CEP63: variants seen among roughly 807,000 people sequenced by gnomAD.
CEP63 encodes centrosomal protein 63.
Under a neutral mutation model 89.1 loss-of-function variants are expected in CEP63, and 84 were observed. The ratio of observed to expected loss-of-function variants is 0.94; its 90% CI spans 0.79 to 1.13. The LOEUF is 1.13. Ranked by LOEUF, CEP63 falls within the 50% of genes most tolerant of loss-of-function variation. The pLI is 0.00. For missense variants in CEP63, 838 were observed against 813.3 expected (o/e 1.03, Z -0.37); for synonymous variants, 267 against 272.5 (o/e 0.98, Z 0.20).
the CEP63 span, among the ~76,000 whole-genome samples, chr3:134,769,113 A>T: frequency 6.6e-6 from 1 of 151,916 alleles, no homozygotes; most frequent in African/African-American, 2.4e-5. Flanking sequence ...AAGAAGTGTG[A>T]TTTTTTTTGT....
intron 3 of CEP63, 74 bp downstream of exon 3, chr3:134,507,360 T>C: frequency 1.7e-6 from 2 of 1,173,812 alleles, no homozygotes; most frequent in Non-Finnish European, 2.5e-6. Context: ...TCTTAAGTAT[T>C]TGTTGAAGAA....
At chr3:134,745,656 T>C in the CEP63 span, among the ~76,000 whole-genome samples, 1 of 152,124 alleles carries the variant, frequency 6.6e-6, no homozygotes, top group African/African-American at 2.4e-5. Flanking sequence ...TTACATTAGG[T>C]ATTTCTCTTA....
At chr3:134,705,350 G>T in the CEP63 span, among the ~76,000 whole-genome samples, 1 of 152,062 alleles carries the variant, frequency 6.6e-6, no homozygotes, top group Admixed American at 6.6e-5. Flanking sequence ...TCTTACGGGA[G>T]ACTCCTGTAG....
In CEP63 at chr3:134,564,804, A is replaced by G; in HGVS notation, c.*3269A>G. 1 of 985,420 alleles carries G rather than the reference A, an allele frequency of 1.0e-6. No homozygotes were observed. The highest frequency in any genetic ancestry group is 1.2e-6 in the Non-Finnish European group (1 of 829,906). 61.0% of individuals were successfully genotyped at this position (985,420 alleles called of 1,614,324 possible). ...TGCAGCCCGTTTCTGAAACGTTTGT[A>G]CTACGTGTTGACTAGGAGGAACAAT... On this transcript the variant is annotated 3_prime_UTR_variant, in exon 15 of 15. Transcript: ENST00000675561.
At position 134,531,914 on chromosome 3, in the gene CEP63, C is replaced by A. The variant is rs139544347; in HGVS notation, c.292C>A (p.Gln98Lys). 6 of 1,612,636 alleles carry A rather than the reference C, an allele frequency of 3.7e-6. No individual in the cohort carries two copies. The highest frequency in any genetic ancestry group is 5.1e-6 in the Non-Finnish European group (6 of 1,179,018). ...IKQEMTMEYK[Q>K]ELKKLHEELC... The stretch of plus-strand genomic sequence containing the variant: ...GCAAGAGATGACCATGGAATATAAG[C>A]AGGAGTTGAAGAAACTACATGAAGA... Residue 98 changes from glutamine to lysine, a missense_variant, in exon 4 of 15, where the codon CAG (glutamine) becomes AAG (lysine). By Grantham distance (53) the Gln-to-Lys change is moderately conservative. Coordinates refer to ENST00000675561, the MANE Select transcript of CEP63 (RefSeq NM_001353108.3).
the CEP63 span, among the ~76,000 whole-genome samples, chr3:134,605,014 T>C: frequency 6.6e-6 from 1 of 151,268 alleles, no homozygotes; most frequent in African/African-American, 2.4e-5. Flanking sequence ...GATCCCCACC[T>C]CCCCCACCCC....
chr3:134,649,025 G>A, the CEP63 span, among the ~76,000 whole-genome samples: 4 of 152,180 alleles, frequency 2.6e-5, no homozygotes, highest in Non-Finnish European at 5.9e-5. Flanking sequence ...GAAAGGGTCT[G>A]CAGGCTGGCT....
the CEP63 span, among the ~76,000 whole-genome samples, chr3:134,717,991 G>A: frequency 6.6e-6 from 1 of 152,114 alleles, no homozygotes; most frequent in African/African-American, 2.4e-5. Flanking sequence ...TCTGGAATGA[G>A]CACCCAGGTT....
At chr3:134,622,581 A>G in the CEP63 span, among the ~76,000 whole-genome samples, 2 of 152,226 alleles carry the variant, frequency 1.3e-5, no homozygotes. Flanking sequence ...TTCATTGCTT[A>G]ATGGGTAGAG....
chr3:134,731,793 G>T, the CEP63 span, among the ~76,000 whole-genome samples: 11 of 152,140 alleles, frequency 7.2e-5, no homozygotes, highest in African/African-American at 2.7e-4. Context: ...GTAAAGAAGA[G>T]AAGACAAGAG....
the CEP63 span, among the ~76,000 whole-genome samples, chr3:134,649,208 G>T: frequency 8.5e-5 from 13 of 152,316 alleles, no homozygotes; most frequent in South Asian, 2.7e-3. Flanking sequence ...TCAGCAGAAA[G>T]GGCCCAGCCA....
chr3:134,568,704 G>T (rs868478068), downstream of CEP63, among the ~76,000 whole-genome samples: 3 of 152,234 alleles, frequency 2.0e-5, no homozygotes, highest in African/African-American at 7.2e-5. Context: ...CTCCAAAAAG[G>T]TTTAACATTA....
At chr3:134,625,658 A>G in the CEP63 span, among the ~76,000 whole-genome samples, 2 of 152,226 alleles carry the variant, frequency 1.3e-5, no homozygotes, top group Non-Finnish European at 2.9e-5. Flanking sequence ...AGGCCGGGCC[A>G]TCTGGGTCCT....
At chr3:134,584,956 G>GTTTTTTTTTTTTGTTTTTTTTTTTTTTT (rs1553799205) in intron 10 of CEP63, among the ~76,000 whole-genome samples, 1 of 36,038 alleles carries the variant, frequency 2.8e-5, no homozygotes, top group African/African-American at 8.5e-5. Context: ...ATTTTCTAGG[G>GTTTTTTTTTTTTGTTTTTTTTTTTTTTT]TTTTTTTTTT....
At chr3:134,485,962 C>A, upstream of CEP63, 1 of 979,472 alleles carries the variant, frequency 1.0e-6, no homozygotes, top group Non-Finnish European at 1.2e-6. Context: ...CGGCACCCGG[C>A]CACCGCGGCA....
chr3:134,520,644 A>G (rs1002705181), intron 3 of CEP63, among the ~76,000 whole-genome samples: 5 of 152,194 alleles, frequency 3.3e-5, no homozygotes, highest in African/African-American at 1.2e-4. Context: ...AAGATTTATT[A>G]AAAACTATAT....
At chr3:134,752,161 A>T in the CEP63 span, among the ~76,000 whole-genome samples, 1 of 152,228 alleles carries the variant, frequency 6.6e-6, no homozygotes, top group Non-Finnish European at 1.5e-5. Context: ...AGTAAAAAGC[A>T]TAATCAATAA....
rs146017286 is a variant in CEP63 at position 134,516,749 on chromosome 3, C to T, written c.222+9463C>T. 4.0e-3 allele frequency among the ~76,000 whole-genome samples: 612 copies of T among 152,256 alleles called. 3 individuals carry two copies. Among genetic ancestry groups the T allele is most frequent in the African/African-American group, 0.014 (585 of 41,562 alleles). On this transcript the variant is annotated intron_variant, in intron 3 of 14. Coordinates refer to ENST00000675561, the MANE Select transcript of CEP63 (RefSeq NM_001353108.3). The stretch of plus-strand genomic sequence containing the variant: ...GACACAGCACATGTTTCAGGGAGCA[C>T]AGGGTTGGGGGTAAGGTTACAGATT...
At chr3:134,656,994 A>G in the CEP63 span, among the ~76,000 whole-genome samples, 1 of 152,354 alleles carries the variant, frequency 6.6e-6, no homozygotes, top group East Asian at 1.9e-4. Context: ...TATGACTACA[A>G]CATAGAGTAT....
Sources: allele counts gnomAD v4.1 joint callset (sites outside exome capture counted in the v4.1 genomes callset), GRCh38; gene constraint gnomAD v4.1.1; transcripts MANE v1.5; gene names NCBI Gene and HGNC (gene_info 2026-07-23, HGNC 2026-07-21).